Variants in STAG3 observed in about 807,000 individuals in gnomAD.
STAG3 encodes the protein cohesin subunit SA-3.
In STAG3, 101 loss-of-function variants were observed where a neutral mutation model predicts 160.7. That is an observed-to-expected ratio of 0.63 (90% CI 0.54 to 0.74). STAG3 has a LOEUF of 0.74. Ranked by LOEUF, STAG3 falls within the 30% of genes least tolerant of loss-of-function variation. The pLI is 0.00. For missense variants in STAG3, 1,188 were observed against 1,517.4 expected, an observed-to-expected ratio of 0.78 and a Z score of 3.61; for synonymous variants, 519 against 585.0, an observed-to-expected ratio of 0.89 and a Z score of 1.63.
At chr7:100,200,065 C>CAG (rs770575520) in intron 16 of STAG3, 171 bp from the exon 17 acceptor site, 1 of 335,876 alleles carries the variant, frequency 3.0e-6, no homozygotes, top group East Asian at 4.8e-5. Context: ...GACTCCGTCT[C>CAG]AAAAAAAAAA....
At chr7:100,186,336 G>T in intron 5 of STAG3, 40 bp downstream of exon 5, 1 of 1,520,802 alleles carries the variant, frequency 6.6e-7, no homozygotes, top group Non-Finnish European at 9.1e-7. Flanking sequence ...CCAGCCTTTT[G>T]TTCCTATGTT....
Position 100,204,091 on chromosome 7 carries a change from G to T in STAG3, c.2771G>T (p.Cys924Phe). ...TRARQIDRSH[C>F]SRILLLSLKQ... ...GCAAGGCAGATTGACCGAAGTCATTGTTCCCGAATCCTGCTGCTGAGCCTC... is the reference window on the plus strand; with the variant it reads ...GCAAGGCAGATTGACCGAAGTCATTTTTCCCGAATCCTGCTGCTGAGCCTC... The change falls in exon 26 of 34, where the codon TGT (cysteine) becomes TTT (phenylalanine). Residue 924 changes from cysteine (C) to phenylalanine (F), a missense_variant. Coordinates refer to ENST00000615138, the MANE Select transcript of STAG3 (RefSeq NM_001282717.2). 1 of 1,614,122 alleles carries T rather than the reference G, an allele frequency of 6.2e-7. No individual in the cohort carries two copies. The highest frequency in any genetic ancestry group is 8.5e-7 in the Non-Finnish European group (1 of 1,180,026).
chr7:100,217,791 T>C (rs1303263872), downstream of STAG3, among the ~76,000 whole-genome samples: 2 of 152,138 alleles, frequency 1.3e-5, no homozygotes, highest in African/African-American at 4.8e-5. Flanking sequence ...TATGCTCTTC[T>C]CAGAAAGATC....
chr7:100,215,101 ACGG>A (rs1476958233), downstream of STAG3: 1 of 152,154 alleles, frequency 6.6e-6, no homozygotes, highest in Non-Finnish European at 1.5e-5. Flanking sequence ...GTATTTGAAG[ACGG>A]CTGTTGTCAT....
rs117235087 is a variant in STAG3 at position 100,195,526 on chromosome 7, A to G, written c.941+144A>G. ...AGCTGGAGCAAAAATTCTTGACAAC[A>G]AATGTTTCAAATTGGTGAGGTTTAG... On this transcript the variant is annotated intron_variant, in intron 9 of 33. Coordinates refer to ENST00000615138, the MANE Select transcript of STAG3 (RefSeq NM_001282717.2). The G allele has an allele frequency of 2.0e-3, 1,362 of 685,844 alleles. 31 individuals are homozygous for G. In the East Asian group the frequency reaches 0.034, roughly 17 times the overall value. The allele number at this position is 685,844 out of a possible 1,614,324, so 42.5% of individuals were successfully genotyped here. A position where few individuals can be genotyped will look rare whatever the true frequency, so the allele number is the denominator to read the frequency against.
At chr7:100,211,582 C>CCCT (rs2117534923) in intron 31 of STAG3, 43 bp downstream of exon 31, 1 of 1,599,194 alleles carries the variant, frequency 6.3e-7, no homozygotes, top group Non-Finnish European at 8.6e-7. Context: ...TCAGATCTGT[C>CCCT]GCCCACTGTG....
At chr7:100,200,178 AC>A in intron 16 of STAG3, 57 bp from the exon 17 acceptor site, 1 of 1,323,224 alleles carries the variant, frequency 7.6e-7, no homozygotes, top group Non-Finnish European at 1.1e-6. Flanking sequence ...GACTGCACAC[AC>A]CCCCTGCACC....
rs950641068 is a variant in STAG3 at position 100,205,095 on chromosome 7, GT to G, written c.3046del (p.Ser1016ProfsTer16). 3.1e-6 allele frequency: 5 copies of G among 1,614,086 alleles called. No individual in the cohort carries two copies. In the African/African-American group the frequency reaches 5.3e-5, roughly 17 times the overall value. Reference sequence around the variant, plus strand: ...TGGCATTCCTGGAGCTCCTTTCAGAGTTTTCCCCCCGACTCTTCCATCAGGA... The same window carrying G: ...TGGCATTCCTGGAGCTCCTTTCAGAGTTTCCCCCCGACTCTTCCATCAGGA... ...NLAFLELLSEFSPRLFHQDKQ... is the reference protein window; with the variant it reads ...NLAFLELLSEXSPRLFHQDKQ... On this transcript the variant is annotated frameshift_variant, in exon 28 of 34. Coordinates refer to ENST00000615138, the MANE Select transcript of STAG3 (RefSeq NM_001282717.2). LOFTEE classifies it high-confidence loss of function.
chr7:100,204,172 C>CT lies in STAG3; in HGVS notation c.2802+51dup, dbSNP rs1801415641. 2.8e-6 allele frequency: 4 copies of CT among 1,439,120 alleles called. No homozygotes were observed. In the East Asian group the frequency reaches 9.1e-5, roughly 33 times the overall value. 89.1% of individuals were successfully genotyped at this position (1,439,120 alleles called of 1,614,324 possible). On this transcript the variant is annotated intron_variant, in intron 26 of 33. Transcript: ENST00000615138. ...TGCCAGCCCTGTTGTCCCCAAGTCTCTGTCTACCCTCAGCCACTCAGAATG... is the reference window on the plus strand; with the variant it reads ...TGCCAGCCCTGTTGTCCCCAAGTCTCTTGTCTACCCTCAGCCACTCAGAATG...
chr7:100,208,967 A>G (rs1801915364), intron 29 of STAG3, among the ~76,000 whole-genome samples: 1 of 152,236 alleles, frequency 6.6e-6, no homozygotes, highest in Non-Finnish European at 1.5e-5. Context: ...TTGAGCATTC[A>G]GCAATTTTAT....
chr7:100,218,324 AATAT>A (rs1323013998), downstream of STAG3: 1 of 175,252 alleles, frequency 5.7e-6, no homozygotes, highest in East Asian at 1.9e-4. Flanking sequence ...AATGATTAGT[AATAT>A]ATATAATCAT....
downstream of STAG3, chr7:100,218,584 C>G (rs1243386742): frequency 7.0e-4 from 268 of 383,118 alleles, 2 homozygotes; most frequent in African/African-American, 5.3e-3. Flanking sequence ...GTTATCTCCT[C>G]AGTTATAAAG....
In STAG3 at chr7:100,209,059, G is replaced by A. The variant is rs185746960; in HGVS notation, c.3239-1952G>A. Among the ~76,000 whole-genome samples, 338 of 152,236 alleles carry A rather than the reference G, an allele frequency of 2.2e-3. 12 individuals are homozygous for A. Among genetic ancestry groups the A allele is most frequent in the Admixed American group, 0.022 (336 of 15,296 alleles). ...AGGGGACACTTACAAGGTGTCTCTG[G>A]GAGCAAGACAAAGAAACTATTTGAT... On this transcript the variant is annotated intron_variant, in intron 29 of 33. Transcript: ENST00000615138.
At chr7:100,184,569 A>G (rs576660482) in intron 4 of STAG3, among the ~76,000 whole-genome samples, 1 of 130,626 alleles carries the variant, frequency 7.7e-6, no homozygotes, top group Non-Finnish European at 1.6e-5. Context: ...CCGGGTTCAC[A>G]TGATTCTCCT....
chr7:100,198,610 T>C (rs1800846930), intron 13 of STAG3, 28 bp downstream of exon 13: 5 of 1,593,708 alleles, frequency 3.1e-6, no homozygotes, highest in Non-Finnish European at 4.3e-6. Flanking sequence ...TATGTTTCTT[T>C]AACACCACGC....
Position 100,200,767 on chromosome 7 carries a change from A to C in STAG3, c.1861-2A>C. On this transcript the variant is annotated splice_acceptor_variant, in intron 18 of 33. Transcript: ENST00000615138. LOFTEE classifies it high-confidence loss of function. The stretch of plus-strand genomic sequence containing the variant: ...ACACCATCTTCTGCCTTTTCTTCTC[A>C]GCACCTGGAGCTGTTCCTGCAGCAA... The C allele has an allele frequency of 6.2e-7, 1 of 1,613,948 alleles. No homozygotes were observed. Among genetic ancestry groups the C allele is most frequent in the Non-Finnish European group, 8.5e-7 (1 of 1,179,954 alleles).
chr7:100,216,891 T>A (rs538812846), downstream of STAG3, among the ~76,000 whole-genome samples: 1 of 152,198 alleles, frequency 6.6e-6, no homozygotes, highest in African/African-American at 2.4e-5. Context: ...TACCGCTTTT[T>A]AAATAGATCC....
In STAG3 at chr7:100,200,986, G is replaced by C. The variant is rs769919749; in HGVS notation, c.2061+17G>C. On this transcript the variant is annotated intron_variant, in intron 19 of 33. Transcript: ENST00000615138. ...CTGTTACAGGTAGGAGCTGGGGCTG[G>C]ACAATGGGACACCCCAAACAAGGGT... The C allele has an allele frequency of 1.2e-6, 2 of 1,614,132 alleles. No homozygotes were observed. The highest frequency in any genetic ancestry group is 3.3e-5 in the Admixed American group (2 of 60,028).
chr7:100,199,858 A>G (rs537068674), intron 16 of STAG3, among the ~76,000 whole-genome samples: 5 of 150,292 alleles, frequency 3.3e-5, no homozygotes, highest in Non-Finnish European at 7.4e-5. Flanking sequence ...GATCGAGACC[A>G]TCCTGGCTGA....
Sources: gnomAD v4.1 joint callset for allele counts (sites outside exome capture counted in the v4.1 genomes callset) on GRCh38, gnomAD v4.1.1 for gene constraint, MANE v1.5 for transcripts, NCBI Gene and HGNC (gene_info 2026-07-23, HGNC 2026-07-21) for gene names.